ITGAE: variants seen among roughly 807,000 people sequenced by gnomAD.
ITGAE encodes the protein integrin subunit alpha E, also known as integrin alpha-E.
Under a neutral mutation model 136.5 loss-of-function variants are expected in ITGAE, and 99 were observed. That is an observed-to-expected ratio of 0.73 (90% CI 0.62 to 0.86). ITGAE has a LOEUF of 0.86. Ranked by LOEUF, ITGAE falls within the 40% of genes least tolerant of loss-of-function variation. The pLI, the probability that ITGAE is intolerant of heterozygous loss-of-function variation, is 0.00. For missense variants in ITGAE, 1,447 were observed against 1,515.3 expected (o/e 0.95, Z 0.75); for synonymous variants, 613 against 591.8 (o/e 1.04, Z -0.52).
chr17:3,785,496 G>A (rs928901453), intron 1 of ITGAE, among the ~76,000 whole-genome samples: 14 of 107,806 alleles, frequency 1.3e-4, no homozygotes, highest in South Asian at 1.1e-3. Flanking sequence ...AGGAAGGAAG[G>A]AGGAAGGAAG....
intron 20 of ITGAE, among the ~76,000 whole-genome samples, chr17:3,739,450 G>A (rs998279069): frequency 1.3e-5 from 2 of 152,204 alleles, no homozygotes; most frequent in Non-Finnish European, 2.9e-5. Flanking sequence ...GAGGTGGGCC[G>A]GGAAAGAGGT....
chr17:3,792,397 G>A (rs983822549), intron 1 of ITGAE, among the ~76,000 whole-genome samples: 5 of 152,208 alleles, frequency 3.3e-5, no homozygotes. Flanking sequence ...GATTACACGC[G>A]TGAGCCACCG....
At chr17:3,746,709 C>T (rs1462178150) in intron 17 of ITGAE, among the ~76,000 whole-genome samples, 5 of 152,152 alleles carry the variant, frequency 3.3e-5, no homozygotes, top group East Asian at 3.8e-4. Flanking sequence ...CCACCCGCCT[C>T]GGCCTCCCAA....
intron 8 of ITGAE, among the ~76,000 whole-genome samples, chr17:3,758,980 C>G (rs546262684): frequency 6.6e-6 from 1 of 151,964 alleles, no homozygotes; most frequent in East Asian, 2.0e-4. Context: ...AAAAAATTAA[C>G]TGGGCGTGGT....
At chr17:3,769,233 T>C (rs1428116718) in intron 2 of ITGAE, among the ~76,000 whole-genome samples, 1 of 152,162 alleles carries the variant, frequency 6.6e-6, no homozygotes, top group East Asian at 1.9e-4. Context: ...TCCCTCCTGC[T>C]GCAGAGCAAT....
intron 2 of ITGAE, among the ~76,000 whole-genome samples, chr17:3,773,009 G>A (rs553686301): frequency 6.6e-6 from 1 of 152,158 alleles, no homozygotes; most frequent in African/African-American, 2.4e-5. Flanking sequence ...AGCCCTCACA[G>A]GTCGAGGTCT....
chr17:3,743,697 CTTT>C, intron 18 of ITGAE, 80 bp from the exon 19 acceptor site: 2 of 1,212,322 alleles, frequency 1.6e-6, no homozygotes, highest in Non-Finnish European at 2.2e-6. Context: ...TTTTCTTTTT[CTTT>C]TTTTCTTTTT....
At chr17:3,722,149 A>AGCGAGGGTGAC (rs1335368227) in intron 28 of ITGAE, among the ~76,000 whole-genome samples, 1 of 150,736 alleles carries the variant, frequency 6.6e-6, no homozygotes, top group Non-Finnish European at 1.5e-5. Context: ...ATTGCACAAC[A>AGCGAGGGTGAC]AGAGCGAAAC....
In ITGAE at chr17:3,745,831, C is replaced by T; in HGVS notation, c.2252G>A (p.Cys751Tyr). The change falls in exon 18 of 31, where the codon TGC becomes TAC. Residue 751 changes from cysteine (C) to tyrosine (Y), a missense_variant. This residue lies in a region of ITGAE where 1,031 missense variants were observed against 1,011.4 expected (regional missense o/e 1.02). Coordinates refer to ENST00000263087, the MANE Select transcript of ITGAE (RefSeq NM_002208.5). ...QCSDVRSCLG[C>Y]LREWSSGSQL... Reference sequence around the variant, plus strand: ...GGATCCGCTGCTCCACTCCCTCAGGCAGCCCAGACAGCTTCTTACGTCTGA... The same window carrying T: ...GGATCCGCTGCTCCACTCCCTCAGGTAGCCCAGACAGCTTCTTACGTCTGA... The T allele has an allele frequency of 6.2e-7, 1 of 1,614,140 alleles. No homozygotes were observed.
intron 26 of ITGAE, chr17:3,724,939 G>T: frequency 6.2e-7 from 1 of 1,613,766 alleles, no homozygotes; most frequent in African/African-American, 1.3e-5. Context: ...GAGAGAACTA[G>T]ATCAAGCCGG....
intron 20 of ITGAE, chr17:3,738,716 C>T (rs2051516528): frequency 1.3e-5 from 2 of 152,250 alleles, no homozygotes; most frequent in Non-Finnish European, 2.9e-5. Flanking sequence ...CTAAGCGTGG[C>T]TGGTGTGTTG....
intron 1 of ITGAE, among the ~76,000 whole-genome samples, chr17:3,787,087 G>A (rs1483386160): frequency 6.6e-6 from 1 of 150,608 alleles, no homozygotes; most frequent in Non-Finnish European, 1.5e-5. Context: ...AAAAGTCCTA[G>A]CAAACCAGGA....
rs555409241 is a variant in ITGAE, at chr17:3,746,054, C to A, written c.2156-127G>T. ...GTGTCCCCATGCAGGTACTTCCCTGCGGCTGGACTCCTGCGTCGGTTTTTC... is the reference window on the plus strand; with the variant it reads ...GTGTCCCCATGCAGGTACTTCCCTGAGGCTGGACTCCTGCGTCGGTTTTTC... On this transcript the variant is annotated intron_variant, in intron 17 of 30. Transcript: ENST00000263087. The A allele has an allele frequency of 2.8e-5, 22 of 796,732 alleles. No individual in the cohort carries two copies. The South Asian group carries it at 2.8e-4, about 10-fold the overall frequency. 49.4% of individuals were successfully genotyped at this position (796,732 alleles called of 1,614,324 possible).
chr17:3,723,915 A>C (rs771077732), intron 26 of ITGAE, 171 bp from the exon 27 acceptor site: 10 of 1,539,000 alleles, frequency 6.5e-6, no homozygotes, highest in Admixed American at 2.1e-5. Flanking sequence ...TTGCGTTTGA[A>C]CCTCTTGGCG....
chr17:3,771,535 T>TC (rs113945304), intron 2 of ITGAE, among the ~76,000 whole-genome samples: 16,867 of 131,484 alleles, frequency 0.13, 1,158 homozygotes, highest in African/African-American at 0.18. Context: ...CATTTTTCTC[T>TC]TTTTTTTTTT....
intron 10 of ITGAE, among the ~76,000 whole-genome samples, chr17:3,756,224 CTTTTT>C (rs398041526): frequency 0.057 from 5,452 of 94,860 alleles, 753 homozygotes; most frequent in African/African-American, 0.093. Flanking sequence ...TATTGTTGGC[CTTTTT>C]TTTTTTTTTT....
chr17:3,777,429 C>A (rs560723629), intron 2 of ITGAE, 111 bp downstream of exon 2: 24 of 1,351,816 alleles, frequency 1.8e-5, no homozygotes, highest in African/African-American at 2.9e-5. Flanking sequence ...GAAAGGAGTT[C>A]CTCTCCTGAC....
chr17:3,749,361 T>C (rs1018474571), intron 16 of ITGAE, among the ~76,000 whole-genome samples: 1 of 152,006 alleles, frequency 6.6e-6, no homozygotes, highest in African/African-American at 2.4e-5. Context: ...TTCACCATTC[T>C]CCTGCCTCAG....
intron 1 of ITGAE, among the ~76,000 whole-genome samples, chr17:3,797,200 C>G (rs141711034): frequency 0.035 from 4,752 of 134,286 alleles, 140 homozygotes; most frequent in Middle Eastern, 0.073. Context: ...GAGTCTCGCT[C>G]TGTCGCCCAG....
Sources: allele counts gnomAD v4.1 joint callset (sites outside exome capture counted in the v4.1 genomes callset), GRCh38; gene constraint gnomAD v4.1.1; regional missense constraint gnomAD v4.1.1; transcripts MANE v1.5; gene names NCBI Gene and HGNC (gene_info 2026-07-23, HGNC 2026-07-21).